Variants in WDR49 observed in about 807,000 individuals in gnomAD.
The protein encoded by WDR49 is cilia- and flagella-associated protein 337.
WDR49 carries 107 observed loss-of-function variants against 119.5 expected under a neutral mutation model. That is an observed-to-expected ratio of 0.90 (90% CI 0.77 to 1.05). The LOEUF (loss-of-function observed/expected upper bound fraction) is 1.05, where lower values mean the gene tolerates loss of function less well. Ranked by LOEUF, WDR49 falls within the 50% of genes least tolerant of loss-of-function variation. The pLI is 0.00. For missense variants in WDR49, 1,240 were observed against 1,220.5 expected, an observed-to-expected ratio of 1.02 and a Z score of -0.24; for synonymous variants, 425 against 418.8, an observed-to-expected ratio of 1.01 and a Z score of -0.18.
At chr3:167,510,608 T>C (rs1245913100) in intron 16 of WDR49, among the ~76,000 whole-genome samples, 1 of 152,188 alleles carries the variant, frequency 6.6e-6, no homozygotes, top group African/African-American at 2.4e-5. Context: ...GATAACTCTT[T>C]ACCATCTACC....
At chr3:167,487,293 C>T (rs1022960142) in intron 18 of WDR49, among the ~76,000 whole-genome samples, 4 of 151,974 alleles carry the variant, frequency 2.6e-5, no homozygotes, top group Non-Finnish European at 5.9e-5. Context: ...ACTCTGTGTT[C>T]AATAAATGGT....
chr3:167,639,963 G>A (rs2108339022), intron 2 of WDR49, among the ~76,000 whole-genome samples: 1 of 151,696 alleles, frequency 6.6e-6, no homozygotes, highest in Non-Finnish European at 1.5e-5. Flanking sequence ...TATACTACTA[G>A]GAATCCTTCC....
chr3:167,594,860 C>A (rs1715328102), intron 7 of WDR49, among the ~76,000 whole-genome samples: 1 of 149,288 alleles, frequency 6.7e-6, no homozygotes, highest in African/African-American at 2.5e-5. Flanking sequence ...GTTGGAAGTT[C>A]TGGCCAGGGC....
chr3:167,498,359 C>T (rs1215783076), intron 18 of WDR49, among the ~76,000 whole-genome samples: 1 of 151,890 alleles, frequency 6.6e-6, no homozygotes, highest in Non-Finnish European at 1.5e-5. Flanking sequence ...ATGAAAACCC[C>T]ACAAAATATG....
chr3:167,637,036 C>T (rs1717652564), intron 2 of WDR49, among the ~76,000 whole-genome samples: 1 of 151,726 alleles, frequency 6.6e-6, no homozygotes, highest in Admixed American at 6.6e-5. Flanking sequence ...ATTGCATTTG[C>T]TTTTAGGTTC....
At chr3:167,513,139 GAC>G (rs1752052250) in intron 16 of WDR49, among the ~76,000 whole-genome samples, 1 of 152,030 alleles carries the variant, frequency 6.6e-6, no homozygotes, top group Non-Finnish European at 1.5e-5. Flanking sequence ...TCAACCCCAA[GAC>G]ACATAATCCT....
chr3:167,629,952 C>A (rs1222731472), intron 2 of WDR49, among the ~76,000 whole-genome samples: 1 of 152,044 alleles, frequency 6.6e-6, no homozygotes, highest in Non-Finnish European at 1.5e-5. Context: ...GGAATCTATT[C>A]CCGTTGAAGA....
rs61325120 is a variant in WDR49, at chr3:167,580,003, T to C, written c.1276-3852A>G. Among the ~76,000 whole-genome samples, 1,035 of 152,270 alleles carry C rather than the reference T, an allele frequency of 6.8e-3. 56 individuals are homozygous for C. In the East Asian group the frequency reaches 0.13, roughly 20 times the overall value. The stretch of plus-strand genomic sequence containing the variant: ...ATAATTTCTCCAGAATCATTTTTCA[T>C]TGTGTTAAGTAATTTATATTGGATT... On this transcript the variant is annotated intron_variant, in intron 7 of 18. Transcript: ENST00000682715.
At chr3:167,497,592 A>G (rs1477668107) in intron 18 of WDR49, among the ~76,000 whole-genome samples, 1 of 152,188 alleles carries the variant, frequency 6.6e-6, no homozygotes, top group Non-Finnish European at 1.5e-5. Flanking sequence ...GATTCTTCAT[A>G]GAAGCAGGAA....
At chr3:167,533,728 G>T (rs909511265) in intron 11 of WDR49, among the ~76,000 whole-genome samples, 2 of 152,084 alleles carry the variant, frequency 1.3e-5, no homozygotes, top group African/African-American at 4.8e-5. Context: ...GTGAGGTGAA[G>T]TCTGAGCAAC....
intron 10 of WDR49, among the ~76,000 whole-genome samples, chr3:167,548,531 C>T (rs1047307412): frequency 2.6e-5 from 4 of 151,934 alleles, no homozygotes; most frequent in African/African-American, 9.7e-5. Flanking sequence ...AACAGTTTGT[C>T]GCTAACTCTT....
intron 7 of WDR49, among the ~76,000 whole-genome samples, chr3:167,600,216 C>T (rs577456205): frequency 5.8e-4 from 89 of 152,140 alleles, no homozygotes; most frequent in African/African-American, 2.1e-3. Flanking sequence ...TTGGGGGAGT[C>T]GTGGTACAAG....
At chr3:167,513,733 C>T (rs1228325709) in intron 16 of WDR49, among the ~76,000 whole-genome samples, 3 of 152,082 alleles carry the variant, frequency 2.0e-5, no homozygotes, top group Non-Finnish European at 4.4e-5. Context: ...ATGCCAGACA[C>T]ACATAGGCTC....
chr3:167,572,756 A>T lies in WDR49; in HGVS notation c.1509+3162T>A, dbSNP rs143635196. On this transcript the variant is annotated intron_variant, in intron 8 of 18. Coordinates refer to ENST00000682715, the MANE Select transcript of WDR49 (RefSeq NM_001366157.1). ...GGAAAACAACTAAAAAATGCGACCA[A>T]TGCTCAGGAAGAGGAGAAGTAAGTG... is the stretch of plus-strand genomic sequence containing the variant. 2.9e-3 allele frequency among the ~76,000 whole-genome samples: 445 copies of T among 152,310 alleles called. 2 individuals carry two copies. Among genetic ancestry groups the T allele is most frequent in the African/African-American group, 8.0e-3 (333 of 41,568 alleles).
intron 3 of WDR49, among the ~76,000 whole-genome samples, chr3:167,623,021 A>C (rs1291912510): frequency 1.3e-5 from 2 of 152,096 alleles, no homozygotes; most frequent in Admixed American, 1.3e-4. Flanking sequence ...AACTATGACA[A>C]ATGAAAGATT....
At chr3:167,554,511 A>T (rs972880021) in intron 10 of WDR49, 139 bp downstream of exon 10, 7 of 480,426 alleles carry the variant, frequency 1.5e-5, no homozygotes, top group African/African-American at 4.0e-5. Flanking sequence ...TATTTTATTC[A>T]CTAAGCATTC....
chr3:167,587,384 T>G (rs560808261), intron 7 of WDR49, among the ~76,000 whole-genome samples: 1 of 152,332 alleles, frequency 6.6e-6, no homozygotes, highest in South Asian at 2.1e-4. Context: ...TAATATGTCT[T>G]CACTTCAAGC....
At chr3:167,592,114 A>G (rs1481393956) in intron 7 of WDR49, among the ~76,000 whole-genome samples, 1 of 152,160 alleles carries the variant, frequency 6.6e-6, no homozygotes, top group Non-Finnish European at 1.5e-5. Context: ...ACTATCTTAT[A>G]ATCCGTTATT....
Position 167,563,312 on chromosome 3 carries a change from C to T in WDR49, c.1510-3084G>A, listed in dbSNP as rs571280676. On this transcript the variant is annotated intron_variant, in intron 8 of 18. Coordinates refer to ENST00000682715, the MANE Select transcript of WDR49 (RefSeq NM_001366157.1). ...GAGCTTGCAGTGAGCCAAGATAGCG[C>T]CACCGCACTCCAGCCTGGGCTACAG... Among the ~76,000 whole-genome samples, 240 of 147,484 alleles carry T rather than the reference C, an allele frequency of 1.6e-3. 2 individuals carry two copies. The highest frequency in any genetic ancestry group is 2.7e-3 in the Non-Finnish European group (184 of 67,524).
Sources: allele counts gnomAD v4.1 joint callset (sites outside exome capture counted in the v4.1 genomes callset), GRCh38; gene constraint gnomAD v4.1.1; transcripts MANE v1.5; gene names NCBI Gene and HGNC (gene_info 2026-07-23, HGNC 2026-07-21).